Variants in MGAT4C observed in about 807,000 individuals in gnomAD.
MGAT4C encodes the protein MGAT4 family member C, also known as alpha-1,3-mannosyl-glycoprotein 4-beta-N-acetylglucosaminyltransferase C.
Under a neutral mutation model 40.1 loss-of-function variants are expected in MGAT4C, and 19 were observed. The ratio of observed to expected loss-of-function variants is 0.47; its 90% CI spans 0.33 to 0.70. The LOEUF (loss-of-function observed/expected upper bound fraction) is 0.70, where lower values mean the gene tolerates loss of function less well. Ranked by LOEUF, MGAT4C falls within the 30% of genes least tolerant of loss-of-function variation. The pLI is 0.02. For missense variants in MGAT4C, 491 were observed against 563.2 expected, an observed-to-expected ratio of 0.87 and a Z score of 1.30; for synonymous variants, 181 against 187.1, an observed-to-expected ratio of 0.97 and a Z score of 0.27.
intron 2 of MGAT4C, among the ~76,000 whole-genome samples, chr12:86,684,177 C>T (rs1397080412): frequency 6.6e-6 from 1 of 152,076 alleles, no homozygotes; most frequent in Non-Finnish European, 1.5e-5. Flanking sequence ...TGCATTACCT[C>T]CCCTTGCTCC....
At chr12:86,211,805 C>T (rs1950482278) in intron 1 of MGAT4C, among the ~76,000 whole-genome samples, 1 of 148,244 alleles carries the variant, frequency 6.7e-6, no homozygotes, top group Non-Finnish European at 1.5e-5. Context: ...TTTTTTTTTT[C>T]CTACATGACT....
At chr12:86,097,354 A>T (rs556563357) in intron 1 of MGAT4C, among the ~76,000 whole-genome samples, 15 of 151,828 alleles carry the variant, frequency 9.9e-5, no homozygotes, top group African/African-American at 3.4e-4. Flanking sequence ...TGTTTGCCAG[A>T]AAGGCACCAC....
At chr12:86,294,255 T>G (rs1191001807) in intron 4 of MGAT4C, among the ~76,000 whole-genome samples, 2 of 152,130 alleles carry the variant, frequency 1.3e-5, no homozygotes, top group Non-Finnish European at 2.9e-5. Context: ...TCCTTTCCCA[T>G]CCCTCTCCTG....
chr12:86,319,184 G>C (rs553041913), intron 4 of MGAT4C, among the ~76,000 whole-genome samples: 1 of 152,206 alleles, frequency 6.6e-6, no homozygotes, highest in Admixed American at 6.5e-5. Flanking sequence ...TATTACAAGG[G>C]ACTCCTAGAT....
intron 2 of MGAT4C, among the ~76,000 whole-genome samples, chr12:86,487,999 G>A (rs577067167): frequency 2.6e-5 from 4 of 152,254 alleles, no homozygotes; most frequent in South Asian, 2.1e-4. Context: ...CTATAAGAGC[G>A]TTTTAATTCA....
chr12:86,465,926 A>G (rs1305944214), intron 2 of MGAT4C, among the ~76,000 whole-genome samples: 1 of 152,078 alleles, frequency 6.6e-6, no homozygotes, highest in East Asian at 1.9e-4. Context: ...ACCTAAATGT[A>G]GGCCGGGAGT....
At chr12:86,355,949 A>T (rs891588289) in intron 3 of MGAT4C, among the ~76,000 whole-genome samples, 1 of 152,190 alleles carries the variant, frequency 6.6e-6, no homozygotes, top group East Asian at 1.9e-4. Flanking sequence ...CAAAGTATGT[A>T]GATGAAATAC....
intron 2 of MGAT4C, among the ~76,000 whole-genome samples, chr12:86,567,188 G>A (rs1197019867): frequency 1.3e-5 from 2 of 152,066 alleles, no homozygotes; most frequent in African/African-American, 4.8e-5. Flanking sequence ...ATGAATCAAG[G>A]GGTAGAAGTC....
chr12:86,356,132 G>A (rs1471895242), intron 3 of MGAT4C, among the ~76,000 whole-genome samples: 1 of 152,094 alleles, frequency 6.6e-6, no homozygotes. Context: ...AATAAGGTAT[G>A]TAGATGAAAG....
At chr12:86,154,371 C>T (rs1342068211) in intron 1 of MGAT4C, among the ~76,000 whole-genome samples, 1 of 152,120 alleles carries the variant, frequency 6.6e-6, no homozygotes. Context: ...GGCATTGTCC[C>T]TTAGGTATAT....
intron 2 of MGAT4C, among the ~76,000 whole-genome samples, chr12:86,480,537 A>ATACGTATGT (rs1171562807): frequency 3.8e-4 from 12 of 31,392 alleles, no homozygotes; most frequent in African/African-American, 8.0e-4. Context: ...TATGTACACA[A>ATACGTATGT]ATACATATGT....
chr12:86,588,346 G>T (rs1349166828), intron 2 of MGAT4C, among the ~76,000 whole-genome samples: 2 of 151,946 alleles, frequency 1.3e-5, no homozygotes, highest in African/African-American at 4.8e-5. Context: ...TCAACAAGAA[G>T]AGCTAACTAT....
At position 86,311,057 on chromosome 12, in the gene MGAT4C, A is replaced by T. The variant is rs148473252; in HGVS notation, c.-57+23008T>A. On this transcript the variant is annotated intron_variant, in intron 4 of 7. Coordinates refer to the MGAT4C transcript ENST00000548651. ...CTGCTCTTCTCCAGATGACTTTTCTATATGTGAGACTAGCACAAAGCTCTC... is the reference window on the plus strand; with the variant it reads ...CTGCTCTTCTCCAGATGACTTTTCTTTATGTGAGACTAGCACAAAGCTCTC... Among the ~76,000 whole-genome samples, 61 of 152,344 alleles carry T rather than the reference A, an allele frequency of 4.0e-4. 1 individual carries two copies. The highest frequency in any genetic ancestry group is 1.4e-3 in the African/African-American group (60 of 41,584).
chr12:86,475,758 C>A (rs1957825266), intron 2 of MGAT4C, among the ~76,000 whole-genome samples: 2 of 151,988 alleles, frequency 1.3e-5, no homozygotes, highest in South Asian at 4.1e-4. Flanking sequence ...ACTTTCATGA[C>A]AATCATTTCT....
chr12:86,504,347 T>C (rs369777498), intron 2 of MGAT4C, among the ~76,000 whole-genome samples: 8 of 152,230 alleles, frequency 5.3e-5, no homozygotes, highest in African/African-American at 1.4e-4. Flanking sequence ...AGAATATTCA[T>C]AGAAGCAATT....
chr12:86,225,752 G>C (rs1951050205), intron 1 of MGAT4C, among the ~76,000 whole-genome samples: 1 of 151,934 alleles, frequency 6.6e-6, no homozygotes, highest in Non-Finnish European at 1.5e-5. Context: ...ATCTTTTTAT[G>C]ATAAAACTCC....
chr12:85,983,399 T>A (rs1884845250), intron 4 of MGAT4C, 124 bp downstream of exon 4: 3 of 931,778 alleles, frequency 3.2e-6, no homozygotes, highest in Middle Eastern at 3.6e-4. Context: ...ACATTGAAGT[T>A]TTGCCCAAAT....
Position 86,694,704 on chromosome 12 carries a change from A to G in MGAT4C, c.-229+32505T>C, listed in dbSNP as rs186235940. The stretch of plus-strand genomic sequence containing the variant: ...ATACATCAGAAAGAAATTGTTGTAT[A>G]TAAGCAGAATAATGAAACTAGACTC... On this transcript the variant is annotated intron_variant, in intron 2 of 7. Coordinates refer to the MGAT4C transcript ENST00000548651. Among the ~76,000 whole-genome samples the G allele has an allele frequency of 9.2e-5, 14 of 152,344 alleles. No homozygotes were observed. The East Asian group carries it at 9.6e-4, about 10-fold the overall frequency.
At chr12:86,687,809 G>T (rs142924284) in intron 2 of MGAT4C, among the ~76,000 whole-genome samples, 8 of 152,266 alleles carry the variant, frequency 5.3e-5, no homozygotes, top group African/African-American at 1.9e-4. Flanking sequence ...TGTATATTCC[G>T]TTGATTTGGG....
Sources: gnomAD v4.1 joint callset for allele counts (sites outside exome capture counted in the v4.1 genomes callset) on GRCh38, gnomAD v4.1.1 for gene constraint, MANE v1.5 for transcripts, NCBI Gene and HGNC (gene_info 2026-07-23, HGNC 2026-07-21) for gene names.